The following CSMD3 variants were observed in gnomAD, a reference collection of about 807,000 sequenced individuals.
CSMD3 encodes CUB and sushi domain-containing protein 3.
In CSMD3, 177 loss-of-function variants were observed where a neutral mutation model predicts 435.2. The ratio of observed to expected loss-of-function variants is 0.41; its 90% CI spans 0.36 to 0.46. The LOEUF is 0.46. CSMD3 is among the 20% of genes least tolerant of loss of function. CSMD3 has a pLI of 0.34. For missense variants in CSMD3, 4,265 were observed against 4,504.6 expected (o/e 0.95, Z 1.52); for synonymous variants, 1,656 against 1,520.5 (o/e 1.09, Z -2.07).
intron 4 of CSMD3, among the ~76,000 whole-genome samples, chr8:113,155,134 T>C (rs923769522): frequency 2.0e-5 from 3 of 151,944 alleles, no homozygotes; most frequent in African/African-American, 7.2e-5. Context: ...AAGCAACAAG[T>C]AAAGAGTGAA....
intron 1 of CSMD3, among the ~76,000 whole-genome samples, chr8:113,409,166 C>T (rs888063802): frequency 1.3e-5 from 2 of 149,752 alleles, no homozygotes; most frequent in Admixed American, 6.8e-5. Flanking sequence ...TCACTGCAAC[C>T]TCCGCCTCCG....
Position 113,059,843 on chromosome 8 carries a change from T to A in CSMD3, c.917+38913A>T, listed in dbSNP as rs1379887757. Reference sequence around the variant, plus strand: ...AGCCCTGGGAATTTTCCGTTTAAACTGCAGGAGGAAAAATAAGCAGCCAGA... The same window carrying A: ...AGCCCTGGGAATTTTCCGTTTAAACAGCAGGAGGAAAAATAAGCAGCCAGA... On this transcript the variant is annotated intron_variant, in intron 5 of 70. Coordinates refer to ENST00000297405, the MANE Select transcript of CSMD3 (RefSeq NM_198123.2). Among the ~76,000 whole-genome samples, 3 of 152,116 alleles carry A rather than the reference T, an allele frequency of 2.0e-5. No individual in the cohort carries two copies. In the East Asian group the frequency reaches 5.8e-4, roughly 29 times the overall value.
In CSMD3 at chr8:112,373,185, T is replaced by G. The variant is rs146909415; in HGVS notation, c.6136+7167A>C. ...GGAATATAGTAAGAGTCTACTTTCT[T>G]GGATGAAAAAAATAAACACTATCCT... On this transcript the variant is annotated intron_variant, in intron 38 of 70. Transcript: ENST00000297405. Among the ~76,000 whole-genome samples the G allele has an allele frequency of 3.2e-3, 491 of 151,922 alleles. 4 individuals are homozygous for G. Among genetic ancestry groups the G allele is most frequent in the African/African-American group, 0.012 (478 of 41,454 alleles).
At chr8:112,672,346 G>A (rs2075677444) in intron 16 of CSMD3, among the ~76,000 whole-genome samples, 1 of 152,058 alleles carries the variant, frequency 6.6e-6, no homozygotes, top group African/African-American at 2.4e-5. Context: ...CTAAGGAGGA[G>A]CAGTTCATGG....
intron 9 of CSMD3, among the ~76,000 whole-genome samples, chr8:112,941,682 G>A (rs545481128): frequency 6.6e-5 from 10 of 151,808 alleles, no homozygotes; most frequent in Admixed American, 5.3e-4. Flanking sequence ...AAAGATTTTA[G>A]TAACATATTA....
chr8:113,245,373 T>C (rs1382115290), intron 3 of CSMD3, among the ~76,000 whole-genome samples: 2 of 152,058 alleles, frequency 1.3e-5, no homozygotes, highest in South Asian at 2.1e-4. Flanking sequence ...ATTAAATATA[T>C]GTCCTATTAT....
chr8:112,715,852 A>G (rs899037865), intron 13 of CSMD3, among the ~76,000 whole-genome samples: 22 of 152,332 alleles, frequency 1.4e-4, no homozygotes, highest in African/African-American at 4.3e-4. Flanking sequence ...GATGCAGAAA[A>G]GGCCTTTGCT....
chr8:112,656,625 C>T (rs1046684279), intron 17 of CSMD3, among the ~76,000 whole-genome samples: 4 of 151,862 alleles, frequency 2.6e-5, no homozygotes, highest in African/African-American at 4.8e-5. Context: ...TGTTCATGAA[C>T]CAAACATATT....
At chr8:113,206,469 T>A (rs981365668) in intron 3 of CSMD3, among the ~76,000 whole-genome samples, 1 of 152,200 alleles carries the variant, frequency 6.6e-6, no homozygotes, top group Non-Finnish European at 1.5e-5. Context: ...CTATTTGTAA[T>A]AGGCAGAAAT....
chr8:112,941,002 C>A (rs979914747), intron 9 of CSMD3, among the ~76,000 whole-genome samples: 1 of 151,542 alleles, frequency 6.6e-6, no homozygotes, highest in Non-Finnish European at 1.5e-5. Context: ...AAGGATCTTG[C>A]ACTTAGAAAA....
At chr8:112,288,005 A>G (rs1268281135) in intron 57 of CSMD3, among the ~76,000 whole-genome samples, 27 of 145,982 alleles carry the variant, frequency 1.8e-4, no homozygotes, top group Non-Finnish European at 3.0e-5. Flanking sequence ...ATATACATTG[A>G]GAGAGAGAGT....
chr8:112,368,104 CTT>C (rs755228059), intron 38 of CSMD3, among the ~76,000 whole-genome samples: 1 of 152,120 alleles, frequency 6.6e-6, no homozygotes, highest in Non-Finnish European at 1.5e-5. Flanking sequence ...AGTAAATGCT[CTT>C]ATATCTATCT....
intron 13 of CSMD3, among the ~76,000 whole-genome samples, chr8:112,785,641 T>C (rs1563958914): frequency 6.6e-6 from 1 of 151,788 alleles, no homozygotes; most frequent in Non-Finnish European, 1.5e-5. Flanking sequence ...TCAAGACAAG[T>C]GAACAATCTG....
chr8:112,701,911 G>A (rs2076397093), intron 13 of CSMD3, among the ~76,000 whole-genome samples: 1 of 152,058 alleles, frequency 6.6e-6, no homozygotes, highest in African/African-American at 2.4e-5. Flanking sequence ...TATTTCTTAA[G>A]GTCAAACTAT....
At chr8:113,363,985 G>A (rs1470624370) in intron 1 of CSMD3, among the ~76,000 whole-genome samples, 1 of 152,062 alleles carries the variant, frequency 6.6e-6, no homozygotes, top group Non-Finnish European at 1.5e-5. Context: ...TGTTCTAGAA[G>A]TCTTACAGAT....
At chr8:112,891,138 A>G (rs2081775604) in intron 10 of CSMD3, among the ~76,000 whole-genome samples, 1 of 151,612 alleles carries the variant, frequency 6.6e-6, no homozygotes, top group Non-Finnish European at 1.5e-5. Flanking sequence ...GACTTGTAAC[A>G]TCCAATCCAA....
chr8:113,103,504 G>A (rs1366991822), intron 4 of CSMD3, among the ~76,000 whole-genome samples: 2 of 152,086 alleles, frequency 1.3e-5, no homozygotes, highest in African/African-American at 4.8e-5. Context: ...AAGACAATGT[G>A]GAATTTTAAG....
chr8:113,047,130 A>G (rs2087871597), intron 5 of CSMD3, among the ~76,000 whole-genome samples: 1 of 152,158 alleles, frequency 6.6e-6, no homozygotes, highest in African/African-American at 2.4e-5. Context: ...GCACTCAGGG[A>G]GCTGAGCCCC....
At chr8:112,733,976 ATCC>A (rs147148073) in intron 13 of CSMD3, among the ~76,000 whole-genome samples, 3,839 of 152,030 alleles carry the variant, frequency 0.025, 74 homozygotes, top group East Asian at 0.073. Flanking sequence ...AATCATTATT[ATCC>A]TCCAAGGGTT....
Sources: allele counts gnomAD v4.1 joint callset (sites outside exome capture counted in the v4.1 genomes callset), GRCh38; gene constraint gnomAD v4.1.1; transcripts MANE v1.5; gene names NCBI Gene and HGNC (gene_info 2026-07-23, HGNC 2026-07-21).